CADM2: variants seen among roughly 807,000 people sequenced by gnomAD.
The protein encoded by CADM2 is immunoglobulin superfamily member 4D.
Under a neutral mutation model 49.8 loss-of-function variants are expected in CADM2, and 12 were observed. That is an observed-to-expected ratio of 0.24 (90% CI 0.15 to 0.39). CADM2 has a LOEUF of 0.39. Ranked by LOEUF, CADM2 falls within the 10% of genes least tolerant of loss-of-function variation. CADM2 has a pLI of 1.00. For missense variants in CADM2, 378 were observed against 492.3 expected (o/e 0.77, Z 2.20); for synonymous variants, 214 against 175.4 (o/e 1.22, Z -1.74).
At position 85,393,892 on chromosome 3, in the gene CADM2, C is replaced by T. The variant is rs575759569; in HGVS notation, c.62-332630C>T. The stretch of plus-strand genomic sequence containing the variant: ...CATTAATTTTAAAAGTTACTCGCTC[C>T]GCCTCCCAGTTTCACGCCATTCTCC... On this transcript the variant is annotated intron_variant, in intron 1 of 9. Transcript: ENST00000383699. 3.9e-5 allele frequency among the ~76,000 whole-genome samples: 6 copies of T among 152,062 alleles called. No individual in the cohort carries two copies. In the South Asian group the frequency reaches 6.2e-4, roughly 16 times the overall value.
chr3:85,730,781 A>G (rs2067899488), intron 2 of CADM2, among the ~76,000 whole-genome samples: 1 of 152,160 alleles, frequency 6.6e-6, no homozygotes, highest in African/African-American at 2.4e-5. Context: ...ACCCAGAAAA[A>G]ATATTTTTAG....
At chr3:85,337,327 A>G (rs2107177971) in intron 1 of CADM2, among the ~76,000 whole-genome samples, 1 of 151,358 alleles carries the variant, frequency 6.6e-6, no homozygotes, top group East Asian at 1.9e-4. Flanking sequence ...AAAAAGAAAG[A>G]CAATTTATAC....
chr3:85,632,863 A>T (rs2064354102), intron 1 of CADM2, among the ~76,000 whole-genome samples: 1 of 152,108 alleles, frequency 6.6e-6, no homozygotes, highest in Non-Finnish European at 1.5e-5. Flanking sequence ...TATGACTATT[A>T]TACCATTTTC....
intron 1 of CADM2, among the ~76,000 whole-genome samples, chr3:85,717,626 G>A (rs1248599127): frequency 6.6e-6 from 1 of 152,156 alleles, no homozygotes; most frequent in Non-Finnish European, 1.5e-5. Flanking sequence ...TTGGCTGTGG[G>A]TCATAAATAG....
At chr3:85,259,252 C>G (rs2042959276) in intron 1 of CADM2, among the ~76,000 whole-genome samples, 1 of 152,134 alleles carries the variant, frequency 6.6e-6, no homozygotes, top group Non-Finnish European at 1.5e-5. Flanking sequence ...ATATTTCTTC[C>G]TGTATTTCTG....
chr3:85,820,805 G>A (rs998059271), intron 3 of CADM2, among the ~76,000 whole-genome samples: 1 of 152,112 alleles, frequency 6.6e-6, no homozygotes, highest in Admixed American at 6.5e-5. Flanking sequence ...AGAAGATCTA[G>A]GGAAAAGGAG....
chr3:85,854,935 T>C (rs2075250788), intron 3 of CADM2, among the ~76,000 whole-genome samples: 1 of 152,136 alleles, frequency 6.6e-6, no homozygotes. Context: ...TATTCTACTT[T>C]TGAATGCATT....
At chr3:85,606,606 A>G (rs1405461539) in intron 1 of CADM2, among the ~76,000 whole-genome samples, 1 of 152,138 alleles carries the variant, frequency 6.6e-6, no homozygotes, top group African/African-American at 2.4e-5. Flanking sequence ...GCGGAGTGCT[A>G]CAGGCAATCA....
At chr3:85,322,278 A>G (rs2044634971) in intron 1 of CADM2, among the ~76,000 whole-genome samples, 1 of 152,238 alleles carries the variant, frequency 6.6e-6, no homozygotes. Flanking sequence ...TTACGGTAGC[A>G]TGTCCTATTC....
At chr3:84,980,306 T>C (rs1258178256) in intron 1 of CADM2, among the ~76,000 whole-genome samples, 1 of 152,108 alleles carries the variant, frequency 6.6e-6, no homozygotes, top group African/African-American at 2.4e-5. Flanking sequence ...GATTTTACAA[T>C]TGCCATGGAA....
chr3:85,654,589 GA>G (rs1297907192), intron 1 of CADM2, among the ~76,000 whole-genome samples: 22 of 152,140 alleles, frequency 1.4e-4, no homozygotes, highest in Admixed American at 1.4e-3. Flanking sequence ...AAGATCCAGA[GA>G]GTCATTGAGG....
At chr3:85,699,232 G>A (rs1233502429) in intron 1 of CADM2, among the ~76,000 whole-genome samples, 3 of 152,150 alleles carry the variant, frequency 2.0e-5, no homozygotes, top group Non-Finnish European at 4.4e-5. Flanking sequence ...CTCCACAGCT[G>A]CTCTCAAGAG....
At chr3:85,950,893 A>T (rs1723352020) in intron 7 of CADM2, among the ~76,000 whole-genome samples, 1 of 151,120 alleles carries the variant, frequency 6.6e-6, no homozygotes, top group African/African-American at 2.4e-5. Context: ...ACTTAGAATC[A>T]GCGTTTCAAT....
At chr3:85,769,637 A>G (rs1012089362) in intron 2 of CADM2, among the ~76,000 whole-genome samples, 18 of 132,286 alleles carry the variant, frequency 1.4e-4, no homozygotes, top group African/African-American at 4.6e-4. Context: ...ATATATACAC[A>G]TATATACATA....
At chr3:85,979,952 G>T (rs1727271424) in intron 8 of CADM2, among the ~76,000 whole-genome samples, 1 of 151,354 alleles carries the variant, frequency 6.6e-6, no homozygotes, top group African/African-American at 2.4e-5. Context: ...TTAAAAAGGT[G>T]GGAATATCCA....
At chr3:85,204,649 A>G (rs80139879) in intron 1 of CADM2, among the ~76,000 whole-genome samples, 5,439 of 152,288 alleles carry the variant, frequency 0.036, 125 homozygotes, top group Middle Eastern at 0.058. Flanking sequence ...GTGCTAAAAC[A>G]AATTCATGGT....
intron 8 of CADM2, among the ~76,000 whole-genome samples, chr3:86,036,882 C>T (rs1735235106): frequency 6.6e-6 from 1 of 152,102 alleles, no homozygotes; most frequent in Non-Finnish European, 1.5e-5. Context: ...AAGCTTAACA[C>T]TTTTTATTTG....
At chr3:85,102,197 T>C (rs972138236) in intron 1 of CADM2, among the ~76,000 whole-genome samples, 2 of 152,220 alleles carry the variant, frequency 1.3e-5, no homozygotes, top group African/African-American at 4.8e-5. Flanking sequence ...GTCCCCTCTT[T>C]ACCTCCTTTT....
At chr3:85,229,072 C>T (rs1439943021) in intron 1 of CADM2, among the ~76,000 whole-genome samples, 1 of 152,160 alleles carries the variant, frequency 6.6e-6, no homozygotes, top group African/African-American at 2.4e-5. Flanking sequence ...GTGGGCTCTG[C>T]CCAGTTTGAA....
Sources: allele counts gnomAD v4.1 joint callset (sites outside exome capture counted in the v4.1 genomes callset), GRCh38; gene constraint gnomAD v4.1.1; transcripts MANE v1.5; gene names NCBI Gene and HGNC (gene_info 2026-07-23, HGNC 2026-07-21).